Variants in MEMO1 observed in about 807,000 individuals in gnomAD.
MEMO1 encodes mediator of cell motility 1.
A neutral mutation model predicts 45.2 loss-of-function variants in MEMO1; 6 were observed. The ratio of observed to expected loss-of-function variants is 0.13; its 90% CI spans 0.07 to 0.26. MEMO1 has a LOEUF of 0.26. Among genes scored for constraint, MEMO1 ranks in the 10% least tolerant of loss-of-function variants. MEMO1 has a pLI of 1.00. For synonymous variants in MEMO1, 78 were observed against 124.3 expected (o/e 0.63, Z 2.48); for missense variants, 184 against 370.5 (o/e 0.50, Z 4.13).
chr2:31,974,370 T>C (rs965213108), intron 2 of MEMO1, among the ~76,000 whole-genome samples: 11 of 152,356 alleles, frequency 7.2e-5, no homozygotes, highest in African/African-American at 2.4e-4. Flanking sequence ...AAGGTACTTA[T>C]CCCTGACAAG....
intron 2 of MEMO1, among the ~76,000 whole-genome samples, chr2:32,008,166 A>C (rs1674336099): frequency 6.6e-6 from 1 of 152,164 alleles, no homozygotes; most frequent in South Asian, 2.1e-4. Flanking sequence ...ATACCAAAGA[A>C]GTCTTTCCAA....
chr2:31,948,715 G>A (rs189151140), intron 2 of MEMO1, among the ~76,000 whole-genome samples: 14 of 152,228 alleles, frequency 9.2e-5, no homozygotes, highest in Admixed American at 7.9e-4. Flanking sequence ...CTTGGCCAAC[G>A]TGCCGAAACC....
At chr2:32,009,847 G>T (rs1175447679) in intron 2 of MEMO1, among the ~76,000 whole-genome samples, 1 of 152,120 alleles carries the variant, frequency 6.6e-6, no homozygotes, top group Non-Finnish European at 1.5e-5. Flanking sequence ...GCCAGAGGCG[G>T]CGACAAGTCG....
intron 2 of MEMO1, among the ~76,000 whole-genome samples, chr2:31,975,168 A>G (rs1480911389): frequency 6.6e-6 from 1 of 152,214 alleles, no homozygotes; most frequent in African/African-American, 2.4e-5. Flanking sequence ...ACAAAACTCC[A>G]TCTCAAAAAA....
intron 6 of MEMO1, among the ~76,000 whole-genome samples, chr2:31,911,391 A>G (rs1680547890): frequency 6.6e-6 from 1 of 152,218 alleles, no homozygotes. Flanking sequence ...AAGGCGATGA[A>G]TAGGTGAAGC....
intron 7 of MEMO1, among the ~76,000 whole-genome samples, chr2:31,885,670 C>A (rs972144622): frequency 2.0e-5 from 3 of 152,166 alleles, no homozygotes; most frequent in African/African-American, 7.2e-5. Context: ...CACCTCAATT[C>A]TTTGAACCTG....
At chr2:31,993,355 T>A (rs1413858997) in intron 2 of MEMO1, among the ~76,000 whole-genome samples, 1 of 152,240 alleles carries the variant, frequency 6.6e-6, no homozygotes, top group African/African-American at 2.4e-5. Context: ...TTGCATTATT[T>A]TTTCAGACAT....
In MEMO1 at chr2:31,883,239, T is replaced by C. The variant is rs904817184; in HGVS notation, c.657+147A>G. 9 of 613,622 alleles carry C rather than the reference T, an allele frequency of 1.5e-5. No homozygotes were observed. The African/African-American group carries it at 1.6e-4, about 11-fold the overall frequency. 38.0% of individuals were successfully genotyped at this position (613,622 alleles called of 1,614,324 possible). A position where few individuals can be genotyped will look rare whatever the true frequency, so the allele number is the denominator to read the frequency against. ...ACTAGAATAGGGATTATTCTTATAG[T>C]CAGTATTTATATGATGACACATTGC... On this transcript the variant is annotated intron_variant, in intron 8 of 9. Coordinates refer to ENST00000404530, the MANE Select transcript of MEMO1 (RefSeq NM_001301833.4).
At chr2:31,961,707 G>A (rs1047187697) in intron 2 of MEMO1, among the ~76,000 whole-genome samples, 1 of 152,048 alleles carries the variant, frequency 6.6e-6, no homozygotes, top group Non-Finnish European at 1.5e-5. Flanking sequence ...GTGCCTGGGA[G>A]GCAGAGGGTG....
chr2:31,988,944 C>G (rs764573166), intron 2 of MEMO1, among the ~76,000 whole-genome samples: 1 of 151,912 alleles, frequency 6.6e-6, no homozygotes, highest in Non-Finnish European at 1.5e-5. Context: ...TGGTGGCTCA[C>G]GCCTGTAATC....
chr2:31,870,145 T>C (rs1268230724), intron 8 of MEMO1, among the ~76,000 whole-genome samples, 193 bp from the exon 9 acceptor site: 1 of 152,090 alleles, frequency 6.6e-6, no homozygotes, highest in Non-Finnish European at 1.5e-5. Context: ...TATAGTCAAC[T>C]CTCTATTAAC....
chr2:31,978,727 CATAT>C (rs1156738909), intron 2 of MEMO1, among the ~76,000 whole-genome samples: 4 of 152,324 alleles, frequency 2.6e-5, no homozygotes, highest in Non-Finnish European at 5.9e-5. Context: ...GCCTAAAATG[CATAT>C]TCTCATTTTG....
intron 2 of MEMO1, among the ~76,000 whole-genome samples, chr2:31,981,159 A>G (rs1336682473): frequency 2.0e-5 from 3 of 152,206 alleles, no homozygotes; most frequent in Non-Finnish European, 4.4e-5. Context: ...ACTAAAGAAG[A>G]CTGACTGACT....
Position 31,868,319 on chromosome 2 carries a change from A to T in MEMO1, c.*42T>A, listed in dbSNP as rs763637397. The T allele has an allele frequency of 6.7e-7, 1 of 1,493,000 alleles. No homozygotes were observed. Among genetic ancestry groups the T allele is most frequent in the South Asian group, 1.4e-5 (1 of 71,706 alleles). The allele number at this position is 1,493,000 out of a possible 1,614,324, so 92.5% of individuals were successfully genotyped here. A position where few individuals can be genotyped will look rare whatever the true frequency, so the allele number is the denominator to read the frequency against. On this transcript the variant is annotated 3_prime_UTR_variant, in exon 10 of 10. Coordinates refer to ENST00000404530, the MANE Select transcript of MEMO1 (RefSeq NM_001301833.4). ...AAGGCTAGGCTGGGACCCCGGACAG[A>T]GTATGAGAATGTGCAGGTGGCATCC...
At chr2:31,970,318 C>T (rs1406000205) in intron 2 of MEMO1, among the ~76,000 whole-genome samples, 1 of 152,102 alleles carries the variant, frequency 6.6e-6, no homozygotes, top group African/African-American at 2.4e-5. Flanking sequence ...ACAATTCTGC[C>T]CCTGTGATCT....
At chr2:31,892,882 A>G (rs969083369) in intron 6 of MEMO1, among the ~76,000 whole-genome samples, 3 of 152,220 alleles carry the variant, frequency 2.0e-5, no homozygotes, top group African/African-American at 7.2e-5. Context: ...TTAATAAAGA[A>G]TAACTATGAT....
intron 2 of MEMO1, among the ~76,000 whole-genome samples, chr2:31,993,033 A>T (rs138397190): frequency 6.6e-6 from 1 of 152,288 alleles, no homozygotes; most frequent in East Asian, 1.9e-4. Context: ...TTTTTCTACA[A>T]ATAGTGGCAC....
At chr2:31,960,154 G>A (rs965586740) in intron 2 of MEMO1, among the ~76,000 whole-genome samples, 5 of 150,716 alleles carry the variant, frequency 3.3e-5, no homozygotes, top group South Asian at 2.1e-4. Context: ...TCGATATCAC[G>A]CCACTGCACT....
intron 2 of MEMO1, among the ~76,000 whole-genome samples, chr2:32,004,926 C>CAA (rs770361983): frequency 1.1e-4 from 12 of 108,506 alleles, no homozygotes; most frequent in African/African-American, 1.7e-4. Flanking sequence ...GACCCCGTTT[C>CAA]AAAAAAAAAA....
Sources: gnomAD v4.1 joint callset for allele counts (sites outside exome capture counted in the v4.1 genomes callset) on GRCh38, gnomAD v4.1.1 for gene constraint, MANE v1.5 for transcripts, NCBI Gene and HGNC (gene_info 2026-07-23, HGNC 2026-07-21) for gene names.